Variants in SPAG5 observed in about 807,000 individuals in gnomAD.
The protein encoded by SPAG5 is sperm associated antigen 5.
Under a neutral mutation model 145.4 loss-of-function variants are expected in SPAG5, and 99 were observed. The ratio of observed to expected loss-of-function variants is 0.68; its 90% confidence interval spans 0.58 to 0.80. The LOEUF is 0.80. SPAG5 is among the 30% of genes least tolerant of loss of function. The pLI, the probability that SPAG5 is intolerant of heterozygous loss-of-function variation, is 0.00. For synonymous variants in SPAG5, 477 were observed against 525.4 expected, an observed-to-expected ratio of 0.91 and a Z score of 1.26; for missense variants, 1,192 against 1,416.0, an observed-to-expected ratio of 0.84 and a Z score of 2.54.
chr17:28,598,560 A>C lies in SPAG5; in HGVS notation c.127T>G (p.Ser43Ala). 6.2e-7 allele frequency: 1 copy of C among 1,613,730 alleles called. No individual in the cohort carries two copies. Among genetic ancestry groups the C allele is most frequent in the Non-Finnish European group, 8.5e-7 (1 of 1,179,876 alleles). The change falls in exon 2 of 24, where the codon TCC becomes GCC. Residue 43 changes from serine (S) to alanine (A), a missense_variant. Physicochemically the swap from Ser to Ala is moderately conservative, Grantham distance 99. Around this residue, in one of 5 missense-constraint regions of SPAG5, gnomAD observed 329 missense variants for 354.0 expected, o/e 0.93. Coordinates refer to ENST00000321765, the MANE Select transcript of SPAG5 (RefSeq NM_006461.4). The stretch of plus-strand genomic sequence containing the variant: ...GGGGTCAGCGAGGAGCAAGCGGGGG[A>C]TCTTTTTCCAGAGTTGGTGAGGGCA... The part of the protein sequence containing the change: ...PGALTNSGKR[S>A]PACSSLTPSL...
chr17:28,591,606 A>G, intron 4 of SPAG5, 92 bp downstream of exon 4: 1 of 1,175,944 alleles, frequency 8.5e-7, no homozygotes, highest in African/African-American at 1.5e-5. Flanking sequence ...TAAGCCTGTG[A>G]TAGGAGTCCC....
chr17:28,588,364 G>A lies in SPAG5; in HGVS notation c.1438-1865C>T, dbSNP rs563132782. Among the ~76,000 whole-genome samples, 438 of 152,326 alleles carry A rather than the reference G, an allele frequency of 2.9e-3. 5 individuals carry two copies. The highest frequency in any genetic ancestry group is 0.01 in the African/African-American group (423 of 41,568). On this transcript the variant is annotated intron_variant, in intron 4 of 23. Coordinates refer to ENST00000321765, the MANE Select transcript of SPAG5 (RefSeq NM_006461.4). The stretch of plus-strand genomic sequence containing the variant: ...AGGGACCTGGCAACCTTCAGGGGAA[G>A]AGGATGCATGGCAGATTCAGGGATG...
chr17:28,584,466 AC>A lies in SPAG5; in HGVS notation c.2175del (p.Gln725HisfsTer12). 2 of 1,613,904 alleles carry A rather than the reference AC, an allele frequency of 1.2e-6. No homozygotes were observed. The highest frequency in any genetic ancestry group is 1.7e-6 in the Non-Finnish European group (2 of 1,180,032). Reference sequence around the variant, plus strand: ...CTGTCCATGTTGGCCAGAATCTGCAACTGAGCCCGGAGATCTAGAACAAAAG... The same window carrying A: ...CTGTCCATGTTGGCCAGAATCTGCAATGAGCCCGGAGATCTAGAACAAAAG... ...NSRLATDLRA[Q>X]LQILANMDSQ... On this transcript the variant is annotated frameshift_variant, in exon 12 of 24. Coordinates refer to ENST00000321765, the MANE Select transcript of SPAG5 (RefSeq NM_006461.4). LOFTEE classifies it high-confidence loss of function.
intron 19 of SPAG5, 36 bp from the exon 20 acceptor site, chr17:28,578,788 A>T: frequency 6.4e-7 from 1 of 1,555,102 alleles, no homozygotes; most frequent in Non-Finnish European, 8.9e-7. Context: ...ACACATGAAG[A>T]GCTGGTCTCT....
rs773589041 is a variant in SPAG5, at chr17:28,585,588, G to A, written c.1806C>T (p.Asp602=). The A allele has an allele frequency of 1.9e-6, 3 of 1,614,112 alleles. No individual in the cohort carries two copies. Among genetic ancestry groups the A allele is most frequent in the East Asian group, 2.2e-5 (1 of 44,872 alleles). ...ASQRISQLEQ[D]LASMREFRGL... ...CTCTGAATTCCCGCATGGATGCTAG[G>A]TCCTGTTCCAGCTGGCTGATGCGCT... The change falls in exon 8 of 24, where the codon GAC becomes GAT. Residue 602 remains aspartate (D), a synonymous_variant. Transcript: ENST00000321765.
Position 28,584,334 on chromosome 17 carries a change from G to A in SPAG5, c.2308C>T (p.Gln770Ter), listed in dbSNP as rs2070568914. Residue 770 changes from glutamine (Q) to a stop codon, truncating the protein, a stop_gained and splice_region_variant, in exon 12 of 24, where the codon CAA (glutamine) becomes TAA (stop). Transcript: ENST00000321765. LOFTEE classifies it high-confidence loss of function. The part of the protein sequence containing the change: ...LTQSNEEQAA[Q>*]WQKEEMALKH... ...CACAGTACCCCGTTAGGAACTCACT[G>A]AGCAGCCTGCTCCTCATTGCTCTGG... 3 of 1,614,118 alleles carry A rather than the reference G, an allele frequency of 1.9e-6. No individual in the cohort carries two copies. The highest frequency in any genetic ancestry group is 4.5e-5 in the East Asian group (2 of 44,894).
At position 28,579,809 on chromosome 17, in the gene SPAG5, A is replaced by C; in HGVS notation, c.2826T>G (p.Leu942=). 1 of 1,614,210 alleles carries C rather than the reference A, an allele frequency of 6.2e-7. No homozygotes were observed. Among genetic ancestry groups the C allele is most frequent in the African/African-American group, 1.3e-5 (1 of 75,056 alleles). Residue 942 remains leucine (L), a synonymous_variant, in exon 17 of 24, where the codon CTT becomes CTG. Coordinates refer to ENST00000321765, the MANE Select transcript of SPAG5 (RefSeq NM_006461.4). Reference sequence around the variant, plus strand: ...GGGTGAAAGCACTCTTGTCACTTCCAAGCAAGGGCACAGGAGTTGATTCTG... The same window carrying C: ...GGGTGAAAGCACTCTTGTCACTTCCCAGCAAGGGCACAGGAGTTGATTCTG... ...EEPESTPVPL[L]GSDKSAFTRV...
At chr17:28,578,834 GACCCATGCTTA>G (rs1224589998) in intron 19 of SPAG5, 82 bp from the exon 20 acceptor site, 1 of 1,156,500 alleles carries the variant, frequency 8.6e-7, no homozygotes, top group East Asian at 2.3e-5. Context: ...GAGAGTGCCT[GACCCATGCTTA>G]GCCCACATGG....
rs372538034 is a variant in SPAG5, at chr17:28,577,804, C to A, written c.3511-34G>T. ...AGAGGCAGAAAACGCAGCTCAGGAC[C>A]ACAGACTTAAGGCCCAGGGCTCCCA... On this transcript the variant is annotated intron_variant, in intron 23 of 23. Transcript: ENST00000321765. 64 of 1,576,782 alleles carry A rather than the reference C, an allele frequency of 4.1e-5. 1 individual carries two copies. Among genetic ancestry groups the A allele is most frequent in the Non-Finnish European group, 5.4e-5 (62 of 1,146,380 alleles).
chr17:28,588,125 G>A (rs115626717), intron 4 of SPAG5, among the ~76,000 whole-genome samples: 2,281 of 152,316 alleles, frequency 0.015, 48 homozygotes, highest in African/African-American at 0.051. Context: ...CCCTTCCCCA[G>A]CAAAGCAGTT....
Position 28,592,093 on chromosome 17 carries a change from A to G in SPAG5, c.1151T>C (p.Val384Ala). The change falls in exon 3 of 24, where the codon GTG becomes GCG. Residue 384 changes from valine (V) to alanine (A), a missense_variant. Transcript: ENST00000321765. ...TGCTGAAGGAGTAAACCAAGTCCCC[A>G]CCGAGCAAGTAGAGAAAGGGGTAGT... ...IGTTPFSTCS[V>A]GTWFTPSAPQ... 2 of 1,614,156 alleles carry G rather than the reference A, an allele frequency of 1.2e-6. No individual in the cohort carries two copies. Among genetic ancestry groups the G allele is most frequent in the Non-Finnish European group, 1.7e-6 (2 of 1,180,018 alleles).
chr17:28,579,928 C>G, intron 16 of SPAG5, 81 bp downstream of exon 16: 1 of 1,521,600 alleles, frequency 6.6e-7, no homozygotes, highest in Non-Finnish European at 9.1e-7. Flanking sequence ...TAGACAAGCC[C>G]GCTGGTGGAC....
At chr17:28,582,977 G>T (rs935715578) in intron 15 of SPAG5, among the ~76,000 whole-genome samples, 1 of 151,980 alleles carries the variant, frequency 6.6e-6, no homozygotes, top group East Asian at 1.9e-4. Flanking sequence ...CTTTTTTTGT[G>T]GGGGAAAGGG....
intron 15 of SPAG5, among the ~76,000 whole-genome samples, chr17:28,583,125 A>T (rs2070559194): frequency 6.6e-6 from 1 of 152,190 alleles, no homozygotes; most frequent in African/African-American, 2.4e-5. Flanking sequence ...CTACAGGTTC[A>T]CAACACTACA....
Position 28,584,349 on chromosome 17 carries a change from C to T in SPAG5, c.2293G>A (p.Glu765Lys). The T allele has an allele frequency of 6.2e-7, 1 of 1,614,196 alleles. No individual in the cohort carries two copies. The highest frequency in any genetic ancestry group is 8.5e-7 in the Non-Finnish European group (1 of 1,180,050). ...GGAACTCACTGAGCAGCCTGCTCCTCATTGCTCTGGGTAAGCTGGCAGAGT... is the reference window on the plus strand; with the variant it reads ...GGAACTCACTGAGCAGCCTGCTCCTTATTGCTCTGGGTAAGCTGGCAGAGT... ...ELLCQLTQSN[E>K]EQAAQWQKEE... Residue 765 changes from glutamate to lysine, a missense_variant, in exon 12 of 24, where the codon GAG (glutamate) becomes AAG (lysine). Glu to Lys is a moderately conservative substitution (Grantham distance 56, BLOSUM62 1). Transcript: ENST00000321765.
Position 28,578,481 on chromosome 17 carries a change from C to T in SPAG5, c.3246G>A (p.Ala1082=), listed in dbSNP as rs750224726. ...VTHLTRSLRR[A]ETETKVLQEA... is the part of the protein sequence containing the mutation. ...CCTGGAGCACTTTGGTCTCTGTCTC[C>T]GCACGCCGAAGTGAGCGGGTAAGGT... The change falls in exon 21 of 24, where the codon GCG becomes GCA. Residue 1082 remains alanine, a synonymous_variant. Coordinates refer to ENST00000321765, the MANE Select transcript of SPAG5 (RefSeq NM_006461.4). The T allele has an allele frequency of 1.6e-5, 25 of 1,612,882 alleles. No homozygotes were observed. In the East Asian group the frequency reaches 2.5e-4, roughly 16 times the overall value.
At position 28,598,638 on chromosome 17, in the gene SPAG5, G is replaced by A; in HGVS notation, c.52-3C>T. On this transcript the variant is annotated splice_polypyrimidine_tract_variant and splice_region_variant and intron_variant, in intron 1 of 23. Transcript: ENST00000321765. The stretch of plus-strand genomic sequence containing the variant: ...GGAGTTCTCATAGATGGTTTTCCCT[G>A]AGAAAGAAACCAAGAAAGAGGGCGA... 2.5e-6 allele frequency: 4 copies of A among 1,589,208 alleles called. No individual in the cohort carries two copies. The highest frequency in any genetic ancestry group is 3.4e-6 in the Non-Finnish European group (4 of 1,165,284).
chr17:28,579,708 G>C (rs780531703), intron 17 of SPAG5, 43 bp downstream of exon 17: 2 of 1,583,482 alleles, frequency 1.3e-6, no homozygotes, highest in African/African-American at 2.7e-5. Context: ...ATCACCACCA[G>C]ATTTTCTAGA....
In SPAG5 at chr17:28,592,555, T is replaced by C. The variant is rs764245880; in HGVS notation, c.689A>G (p.Glu230Gly). 1 of 1,614,244 alleles carries C rather than the reference T, an allele frequency of 6.2e-7. No individual in the cohort carries two copies. Among genetic ancestry groups the C allele is most frequent in the Admixed American group, 1.7e-5 (1 of 60,022 alleles). ...GTTACTTTCAGAAGGTACTAAGTCC[T>C]CACGCACAGCCTCAGTTCTACTGCT... Reference protein sequence around the residue: ...SLSSRTEAVREDLVPSESNAF... With the variant: ...SLSSRTEAVRGDLVPSESNAF... The change falls in exon 3 of 24, where the codon GAG becomes GGG. Residue 230 changes from glutamate to glycine, a missense_variant. This residue lies in a region of SPAG5 where 329 missense variants were observed against 354.0 expected (regional missense o/e 0.93). Transcript: ENST00000321765.
Sources: allele counts gnomAD v4.1 joint callset (sites outside exome capture counted in the v4.1 genomes callset), GRCh38; gene constraint gnomAD v4.1.1; regional missense constraint gnomAD v4.1.1; transcripts MANE v1.5; gene names NCBI Gene and HGNC (gene_info 2026-07-23, HGNC 2026-07-21).